The following NALCN variants were observed in gnomAD, a reference collection of about 807,000 sequenced individuals.
NALCN encodes the protein sodium leak channel NALCN.
In NALCN, 111 loss-of-function variants were observed where a neutral mutation model predicts 225.3. The ratio of observed to expected loss-of-function variants is 0.49; its 90% CI spans 0.42 to 0.58. The LOEUF (loss-of-function observed/expected upper bound fraction) is 0.58. NALCN is among the 20% of genes least tolerant of loss of function. The pLI is 0.00. For missense variants in NALCN, 1,378 were observed against 2,202.4 expected, an observed-to-expected ratio of 0.63 and a Z score of 7.49; for synonymous variants, 764 against 769.0, an observed-to-expected ratio of 0.99 and a Z score of 0.11.
intron 27 of NALCN, 150 bp downstream of exon 27, chr13:101,100,634 A>T (rs770068537): frequency 8.6e-5 from 45 of 523,498 alleles, no homozygotes; most frequent in Non-Finnish European, 1.4e-4. Context: ...AGGTTGGAGT[A>T]CAGTGGTGAG....
chr13:101,224,580 T>C (rs1457897149), intron 13 of NALCN, among the ~76,000 whole-genome samples: 1 of 152,176 alleles, frequency 6.6e-6, no homozygotes, highest in Non-Finnish European at 1.5e-5. Context: ...CTTATCGCTG[T>C]CTTCCTCAGC....
At chr13:101,174,192 A>G (rs2038864770) in intron 15 of NALCN, among the ~76,000 whole-genome samples, 1 of 152,216 alleles carries the variant, frequency 6.6e-6, no homozygotes, top group African/African-American at 2.4e-5. Context: ...ACATAGTTTC[A>G]GTCCAACCAT....
intron 12 of NALCN, among the ~76,000 whole-genome samples, chr13:101,232,861 G>T (rs74120425): frequency 6.6e-6 from 1 of 151,800 alleles, no homozygotes. Flanking sequence ...ATTAACATTC[G>T]TATTAATTTC....
intron 10 of NALCN, among the ~76,000 whole-genome samples, chr13:101,262,014 T>C (rs550290969): frequency 7.8e-4 from 119 of 152,352 alleles, no homozygotes; most frequent in Non-Finnish European, 1.4e-3. Flanking sequence ...TGTTGATGTA[T>C]GTTCCTTCTA....
intron 22 of NALCN, among the ~76,000 whole-genome samples, chr13:101,106,538 C>T (rs1412986300): frequency 6.6e-6 from 1 of 152,132 alleles, no homozygotes; most frequent in Non-Finnish European, 1.5e-5. Context: ...GGCTCTGCGT[C>T]CCTACCCAAA....
intron 28 of NALCN, among the ~76,000 whole-genome samples, chr13:101,093,493 G>A (rs547792751): frequency 3.7e-4 from 57 of 152,302 alleles, no homozygotes; most frequent in Admixed American, 2.5e-3. Context: ...ACATTATCCT[G>A]GAGAAATGGA....
chr13:101,213,350 G>T (rs974942649), intron 13 of NALCN, among the ~76,000 whole-genome samples: 6 of 152,164 alleles, frequency 3.9e-5, no homozygotes, highest in Non-Finnish European at 8.8e-5. Context: ...AACCCTAGAA[G>T]AAAATCTAGG....
chr13:101,310,631 T>G (rs1309108769), intron 7 of NALCN, among the ~76,000 whole-genome samples: 1 of 152,170 alleles, frequency 6.6e-6, no homozygotes, highest in Non-Finnish European at 1.5e-5. Context: ...CTTACTTATT[T>G]TCATTATTTC....
At chr13:101,138,984 T>G (rs1436813424) in intron 17 of NALCN, among the ~76,000 whole-genome samples, 3 of 152,120 alleles carry the variant, frequency 2.0e-5, no homozygotes, top group African/African-American at 7.2e-5. Context: ...GATAAAGGGA[T>G]GGGGAAATGA....
chr13:101,273,658 C>T (rs371591406), intron 10 of NALCN, among the ~76,000 whole-genome samples: 3 of 151,974 alleles, frequency 2.0e-5, no homozygotes, highest in East Asian at 3.9e-4. Flanking sequence ...ATGAGATAAA[C>T]AAGCAATCTA....
At chr13:101,336,257 G>T (rs1313836060) in intron 7 of NALCN, among the ~76,000 whole-genome samples, 1 of 152,024 alleles carries the variant, frequency 6.6e-6, no homozygotes, top group Admixed American at 6.6e-5. Flanking sequence ...TAATAAAACT[G>T]ATTTATGACC....
At chr13:101,111,082 C>T in intron 19 of NALCN, 43 bp downstream of exon 19, 2 of 1,571,618 alleles carry the variant, frequency 1.3e-6, no homozygotes, top group Non-Finnish European at 8.7e-7. Flanking sequence ...GTAAAACCCC[C>T]CTTTTTTAGA....
chr13:101,168,903 G>T (rs191668321), intron 15 of NALCN, among the ~76,000 whole-genome samples: 3 of 152,232 alleles, frequency 2.0e-5, no homozygotes, highest in African/African-American at 7.2e-5. Flanking sequence ...AGACTCTGCA[G>T]TTCCCTTGGT....
intron 37 of NALCN, among the ~76,000 whole-genome samples, chr13:101,070,392 T>C (rs1031858596): frequency 1.3e-5 from 2 of 152,202 alleles, no homozygotes; most frequent in African/African-American, 2.4e-5. Flanking sequence ...GCATGTAGAA[T>C]AGTGAATCCT....
chr13:101,143,063 G>A lies in NALCN; in HGVS notation c.2118+17C>T, dbSNP rs772626093. The stretch of plus-strand genomic sequence containing the variant: ...ATGCTTTTTAGAAGCCTGGTTATTC[G>A]AAACAGCAGATCTTACTTTTTGGTC... On this transcript the variant is annotated intron_variant, in intron 17 of 43. Coordinates refer to ENST00000251127, the MANE Select transcript of NALCN (RefSeq NM_052867.4). 3.1e-6 allele frequency: 5 copies of A among 1,613,848 alleles called. No individual in the cohort carries two copies. In the African/African-American group the frequency reaches 5.3e-5, roughly 17 times the overall value.
At chr13:101,350,896 C>T (rs1387953906) in intron 6 of NALCN, among the ~76,000 whole-genome samples, 1 of 152,164 alleles carries the variant, frequency 6.6e-6, no homozygotes, top group Non-Finnish European at 1.5e-5. Context: ...TTCCAGGCTG[C>T]CCTGAAGATT....
chr13:101,366,022 C>A (rs1049328482), intron 6 of NALCN, among the ~76,000 whole-genome samples: 1 of 152,124 alleles, frequency 6.6e-6, no homozygotes, highest in Non-Finnish European at 1.5e-5. Context: ...AAGTCTTCAT[C>A]TTTTCTATTT....
At chr13:101,170,812 T>C (rs555590307) in intron 15 of NALCN, among the ~76,000 whole-genome samples, 1 of 152,318 alleles carries the variant, frequency 6.6e-6, no homozygotes, top group South Asian at 2.1e-4. Context: ...ACAGACTACC[T>C]ATACTTCCCT....
At chr13:101,334,364 A>C (rs60065514) in intron 7 of NALCN, among the ~76,000 whole-genome samples, 1 of 134,366 alleles carries the variant, frequency 7.4e-6, no homozygotes, top group Admixed American at 7.5e-5. Flanking sequence ...AGATGGGGGT[A>C]GGGGGAGCGG....
Sources: gnomAD v4.1 joint callset for allele counts (sites outside exome capture counted in the v4.1 genomes callset) on GRCh38, gnomAD v4.1.1 for gene constraint, MANE v1.5 for transcripts, NCBI Gene and HGNC (gene_info 2026-07-23, HGNC 2026-07-21) for gene names.